TENM3: variants seen among roughly 807,000 people sequenced by gnomAD.
TENM3 encodes teneurin transmembrane protein 3, also known as teneurin-3.
In TENM3, 63 loss-of-function variants were observed where a neutral mutation model predicts 255.1. The observed-to-expected ratio is 0.25, with a 90% CI of 0.20 to 0.30. The LOEUF (loss-of-function observed/expected upper bound fraction) is 0.30, where lower values mean the gene tolerates loss of function less well. Among genes scored for constraint, TENM3 ranks in the 10% least tolerant of loss-of-function variants. The pLI is 1.00. For missense variants in TENM3, 2,929 were observed against 3,461.1 expected (o/e 0.85, Z 3.86); for synonymous variants, 1,306 against 1,322.3 (o/e 0.99, Z 0.27).
chr4:182,037,399 C>T, the TENM3 span, among the ~76,000 whole-genome samples: 7 of 152,136 alleles, frequency 4.6e-5, no homozygotes, highest in East Asian at 1.9e-4. Flanking sequence ...CCACCCGCTT[C>T]GGCCTCCCAA....
chr4:182,143,259 G>C (rs572443498), upstream of TENM3: 2 of 167,128 alleles, frequency 1.2e-5, no homozygotes, highest in African/African-American at 4.8e-5. This position sits in a 1 kb window ranked among gnomAD's most constrained non-coding sequence, Gnocchi z 4.3. Context: ...CTTGAACCTG[G>C]GGGGCAGACA....
chr4:182,394,587 G>A (rs781015659), intron 3 of TENM3, among the ~76,000 whole-genome samples: 17 of 152,170 alleles, frequency 1.1e-4, no homozygotes, highest in Non-Finnish European at 2.4e-4. Context: ...GAGGCACAAA[G>A]TTCTAAGTTT....
At chr4:182,522,664 A>G (rs542653658) in intron 3 of TENM3, among the ~76,000 whole-genome samples, 1 of 152,250 alleles carries the variant, frequency 6.6e-6, no homozygotes, top group Admixed American at 6.5e-5. Context: ...ACGTAGGTAG[A>G]CATCTGCCGT....
the TENM3 span, among the ~76,000 whole-genome samples, chr4:181,581,178 C>T: frequency 6.6e-6 from 1 of 152,146 alleles, no homozygotes; most frequent in South Asian, 2.1e-4. Context: ...CAGTGAGTCA[C>T]GCCTGTAATC....
intron 3 of TENM3, among the ~76,000 whole-genome samples, chr4:182,412,300 G>A (rs1770042406): frequency 6.6e-6 from 1 of 152,078 alleles, no homozygotes; most frequent in African/African-American, 2.4e-5. Context: ...ATCTGGTTCT[G>A]GGATTGGGGT....
chr4:182,654,616 A>T (rs1011071961), intron 6 of TENM3, among the ~76,000 whole-genome samples: 1 of 152,076 alleles, frequency 6.6e-6, no homozygotes, highest in Admixed American at 6.6e-5. Flanking sequence ...CCTGATGAAG[A>T]CGCCTTTTTC....
chr4:182,138,475 A>T, the TENM3 span, among the ~76,000 whole-genome samples: 1 of 152,198 alleles, frequency 6.6e-6, no homozygotes, highest in Non-Finnish European at 1.5e-5. Flanking sequence ...TGCAACATAC[A>T]CATCTCCAAC....
chr4:181,628,255 C>G, the TENM3 span, among the ~76,000 whole-genome samples: 1 of 151,830 alleles, frequency 6.6e-6, no homozygotes, highest in Non-Finnish European at 1.5e-5. Flanking sequence ...ATGAGTAGAT[C>G]GCAAATATTT....
At chr4:182,335,494 C>CA (rs372965020) in intron 2 of TENM3, among the ~76,000 whole-genome samples, 20,791 of 52,190 alleles carry the variant, frequency 0.4, 5,258 homozygotes, top group African/African-American at 0.5. Flanking sequence ...GACTCCGCCT[C>CA]AAAAAAAAAA....
intron 5 of TENM3, among the ~76,000 whole-genome samples, chr4:182,634,130 T>C (rs1438795804): frequency 1.3e-5 from 2 of 152,198 alleles, no homozygotes; most frequent in South Asian, 2.1e-4. Context: ...CGTTTCATGA[T>C]GGAAATGTTC....
At chr4:181,551,838 A>ATGTG in the TENM3 span, among the ~76,000 whole-genome samples, 4 of 138,966 alleles carry the variant, frequency 2.9e-5, no homozygotes, top group African/African-American at 8.2e-5. Flanking sequence ...ATATATGTAT[A>ATGTG]TGTGTGTGTG....
chr4:181,887,493 TTCTC>T, the TENM3 span, among the ~76,000 whole-genome samples: 1 of 152,206 alleles, frequency 6.6e-6, no homozygotes, highest in South Asian at 2.1e-4. Flanking sequence ...GTTCTCTTCA[TTCTC>T]TTTCTTTCTC....
At chr4:181,542,674 T>A in the TENM3 span, among the ~76,000 whole-genome samples, 1 of 152,222 alleles carries the variant, frequency 6.6e-6, no homozygotes, top group East Asian at 1.9e-4. Flanking sequence ...AAAATTTAGA[T>A]TAACTGGCTC....
chr4:181,933,270 T>C, the TENM3 span, among the ~76,000 whole-genome samples: 2 of 152,288 alleles, frequency 1.3e-5, no homozygotes, highest in East Asian at 3.9e-4. Context: ...AATAAATATA[T>C]TTTCTTGCAG....
Position 182,789,659 on chromosome 4 carries a change from C to T in TENM3, c.5601+270C>T, listed in dbSNP as rs551525233. 7.2e-5 allele frequency among the ~76,000 whole-genome samples: 11 copies of T among 152,350 alleles called. No homozygotes were observed. Among genetic ancestry groups the T allele is most frequent in the Admixed American group, 7.2e-4 (11 of 15,312 alleles). Reference sequence around the variant, plus strand: ...GCATTAACGTTGTCCACCTGCCAAGCTTACACATTGACAACATTCACAAAT... The same window carrying T: ...GCATTAACGTTGTCCACCTGCCAAGTTTACACATTGACAACATTCACAAAT... On this transcript the variant is annotated intron_variant, in intron 25 of 27. Transcript: ENST00000511685. This position sits in a 1 kb window ranked among gnomAD's most constrained non-coding sequence, Gnocchi z 4.4.
the TENM3 span, among the ~76,000 whole-genome samples, chr4:181,536,142 T>C: frequency 6.6e-6 from 1 of 152,204 alleles, no homozygotes; most frequent in Non-Finnish European, 1.5e-5. Context: ...TGGTGAATAA[T>C]AGGTGCTCAG....
At chr4:181,865,125 A>G in the TENM3 span, among the ~76,000 whole-genome samples, 1 of 152,244 alleles carries the variant, frequency 6.6e-6, no homozygotes, top group Admixed American at 6.5e-5. Flanking sequence ...GCTTACAGAT[A>G]GAAAAAGTGT....
At position 182,736,912 on chromosome 4, in the gene TENM3, G is replaced by A; in HGVS notation, c.3072G>A (p.Gln1024=). The A allele has an allele frequency of 6.2e-7, 1 of 1,613,858 alleles. No individual in the cohort carries two copies. Among genetic ancestry groups the A allele is most frequent in the Non-Finnish European group, 8.5e-7 (1 of 1,179,806 alleles). The change falls in exon 17 of 28, where the codon CAG becomes CAA. Residue 1024 remains glutamine, a synonymous_variant. Coordinates refer to ENST00000511685, the MANE Select transcript of TENM3 (RefSeq NM_001080477.4). ...YKSVLKITMT[Q]SIIPFNLMKV... The stretch of plus-strand genomic sequence containing the variant: ...CAGTTCTCAAGATCACCATGACCCA[G>A]TCTATTATTCCATTTAATTTAATGA...
the TENM3 span, among the ~76,000 whole-genome samples, chr4:181,655,185 A>C: frequency 6.6e-6 from 1 of 152,184 alleles, no homozygotes; most frequent in South Asian, 2.1e-4. Flanking sequence ...AGTCAAGATA[A>C]TTTAGGAGTC....
Sources: allele counts gnomAD v4.1 joint callset (sites outside exome capture counted in the v4.1 genomes callset), GRCh38; gene constraint gnomAD v4.1.1; non-coding constraint Gnocchi (gnomAD v3.1); transcripts MANE v1.5; gene names NCBI Gene and HGNC (gene_info 2026-07-23, HGNC 2026-07-21).